Variants in MYO1D observed in about 807,000 individuals in gnomAD.
The protein encoded by MYO1D is myosin ID.
Under a neutral mutation model 122.0 loss-of-function variants are expected in MYO1D, and 83 were observed. The observed-to-expected ratio is 0.68, with a 90% confidence interval of 0.57 to 0.82. MYO1D has a LOEUF of 0.82. MYO1D is among the 40% of genes least tolerant of loss of function. MYO1D has a pLI of 0.00. For missense variants in MYO1D, 1,157 were observed against 1,269.5 expected (o/e 0.91, Z 1.35); for synonymous variants, 464 against 446.9 (o/e 1.04, Z -0.48).
At chr17:32,782,493 A>T (rs538409749) in intron 1 of MYO1D, among the ~76,000 whole-genome samples, 1 of 152,252 alleles carries the variant, frequency 6.6e-6, no homozygotes. Flanking sequence ...ACATTGAATA[A>T]GTACTTTTTA....
chr17:32,582,865 G>T (rs1418077804), intron 21 of MYO1D, among the ~76,000 whole-genome samples: 2 of 152,070 alleles, frequency 1.3e-5, no homozygotes, highest in African/African-American at 4.8e-5. Flanking sequence ...TTTCCTTCAT[G>T]AATTCACCCA....
At chr17:32,689,514 C>T (rs776878603) in intron 16 of MYO1D, among the ~76,000 whole-genome samples, 4 of 152,180 alleles carry the variant, frequency 2.6e-5, no homozygotes, top group African/African-American at 4.8e-5. Flanking sequence ...CGAATGATGC[C>T]CGCCTAGCCA....
intron 2 of MYO1D, among the ~76,000 whole-genome samples, chr17:32,779,941 A>T (rs571664405): frequency 6.6e-6 from 1 of 152,186 alleles, no homozygotes; most frequent in African/African-American, 2.4e-5. Context: ...AATTCCCACA[A>T]TTTGGGAGAG....
chr17:32,679,629 T>C (rs1373503840), intron 16 of MYO1D, among the ~76,000 whole-genome samples: 2 of 152,226 alleles, frequency 1.3e-5, no homozygotes, highest in Non-Finnish European at 2.9e-5. Flanking sequence ...ATCTCTGTTT[T>C]GGTACCAGTA....
chr17:32,590,082 G>A (rs2087424963), intron 21 of MYO1D, among the ~76,000 whole-genome samples: 1 of 152,156 alleles, frequency 6.6e-6, no homozygotes, highest in South Asian at 2.1e-4. Flanking sequence ...GCTTTGTCTT[G>A]TTGGGCAGTT....
chr17:32,759,895 C>G, intron 10 of MYO1D: 5 of 505,530 alleles, frequency 9.9e-6, no homozygotes, highest in Middle Eastern at 4.7e-4. Flanking sequence ...ACCATATAGT[C>G]TACAAAGTAG....
At chr17:32,529,169 C>T (rs531016596) in intron 21 of MYO1D, 6 of 152,416 alleles carry the variant, frequency 3.9e-5, no homozygotes, top group African/African-American at 1.2e-4. Context: ...CCAACCCACC[C>T]CTCACTTGGA....
chr17:32,552,498 CCATCTGTT>C (rs1337796507), intron 21 of MYO1D, among the ~76,000 whole-genome samples: 1 of 121,452 alleles, frequency 8.2e-6, no homozygotes, highest in Non-Finnish European at 1.8e-5. Context: ...TCCCTCCCAA[CCATCTGTT>C]CATCTGTTCA....
At chr17:32,849,141 C>T (rs1292037771) in intron 1 of MYO1D, among the ~76,000 whole-genome samples, 2 of 151,614 alleles carry the variant, frequency 1.3e-5, no homozygotes, top group Non-Finnish European at 2.9e-5. Flanking sequence ...GTTAGAATGG[C>T]AATCATTAAA....
intron 21 of MYO1D, among the ~76,000 whole-genome samples, chr17:32,583,606 T>C (rs1159601358): frequency 1.3e-5 from 2 of 152,242 alleles, no homozygotes; most frequent in African/African-American, 2.4e-5. Flanking sequence ...TAGTTTCTAT[T>C]GCTATGTCTT....
At chr17:32,580,538 T>G (rs1228866589) in intron 21 of MYO1D, among the ~76,000 whole-genome samples, 1 of 151,270 alleles carries the variant, frequency 6.6e-6, no homozygotes, top group Non-Finnish European at 1.5e-5. Flanking sequence ...GCCTCCTGAG[T>G]AGCTGGGACT....
At chr17:32,649,274 T>C (rs1001618194) in intron 19 of MYO1D, among the ~76,000 whole-genome samples, 1 of 152,182 alleles carries the variant, frequency 6.6e-6, no homozygotes, top group African/African-American at 2.4e-5. Context: ...CACATTGTTG[T>C]GCAGCCATCA....
At chr17:32,559,461 A>T (rs1406192976) in intron 21 of MYO1D, among the ~76,000 whole-genome samples, 2 of 152,216 alleles carry the variant, frequency 1.3e-5, no homozygotes, top group Admixed American at 6.5e-5. Context: ...AGCCAATCAC[A>T]GGTGTTCAGC....
At chr17:32,823,881 C>T (rs2090697325) in intron 1 of MYO1D, among the ~76,000 whole-genome samples, 1 of 151,912 alleles carries the variant, frequency 6.6e-6, no homozygotes, top group South Asian at 2.1e-4. Context: ...TCCTGGCTAA[C>T]ATGGTGAAAC....
intron 16 of MYO1D, among the ~76,000 whole-genome samples, chr17:32,706,542 G>C (rs545903493): frequency 6.6e-6 from 1 of 152,132 alleles, no homozygotes; most frequent in East Asian, 1.9e-4. Flanking sequence ...GAATAAAATG[G>C]TGAGTCCTGA....
At chr17:32,791,257 G>A (rs1299633384) in intron 1 of MYO1D, among the ~76,000 whole-genome samples, 1 of 151,654 alleles carries the variant, frequency 6.6e-6, no homozygotes, top group African/African-American at 2.4e-5. Flanking sequence ...TCAGCTACTC[G>A]GGAGGCTGAG....
At chr17:32,830,623 G>C (rs191609450) in intron 1 of MYO1D, among the ~76,000 whole-genome samples, 1 of 152,042 alleles carries the variant, frequency 6.6e-6, no homozygotes, top group African/African-American at 2.4e-5. Flanking sequence ...AAATCATATA[G>C]GCATTTATCT....
chr17:32,867,567 C>T lies in MYO1D; in HGVS notation c.95+9211G>A, dbSNP rs924884428. On this transcript the variant is annotated intron_variant, in intron 1 of 21. Coordinates refer to ENST00000318217, the MANE Select transcript of MYO1D (RefSeq NM_015194.3). Reference sequence around the variant, plus strand: ...ATCCCAGCACTTTGGGAGGACAAAGCGGGCAGATCACCTGAGGTCAGGAGT... The same window carrying T: ...ATCCCAGCACTTTGGGAGGACAAAGTGGGCAGATCACCTGAGGTCAGGAGT... Among the ~76,000 whole-genome samples the T allele has an allele frequency of 4.6e-5, 7 of 151,018 alleles. No individual in the cohort carries two copies. In the East Asian group the frequency reaches 7.9e-4, roughly 17 times the overall value.
chr17:32,658,195 T>C (rs1012848584), intron 17 of MYO1D, among the ~76,000 whole-genome samples: 2 of 152,246 alleles, frequency 1.3e-5, no homozygotes, highest in African/African-American at 4.8e-5. Flanking sequence ...CATGCATTTT[T>C]CTTTATCTTT....
Sources: gnomAD v4.1 joint callset for allele counts (sites outside exome capture counted in the v4.1 genomes callset) on GRCh38, gnomAD v4.1.1 for gene constraint, MANE v1.5 for transcripts, NCBI Gene and HGNC (gene_info 2026-07-23, HGNC 2026-07-21) for gene names.